The following GRK4 variants were observed in gnomAD, a reference collection of about 807,000 sequenced individuals.
GRK4 encodes G protein-coupled receptor kinase 4, also known as G protein-coupled receptor kinase 2-like.
GRK4 carries 73 observed loss-of-function variants against 77.9 expected under a neutral mutation model. That is an observed-to-expected ratio of 0.94 (90% CI 0.78 to 1.14). The LOEUF is 1.14. GRK4 is among the 50% of genes most tolerant of loss of function. The pLI is 0.00. For synonymous variants in GRK4, 257 were observed against 254.4 expected (o/e 1.01, Z -0.10); for missense variants, 729 against 700.2 (o/e 1.04, Z -0.46).
intron 1 of GRK4, 110 bp downstream of exon 1, chr4:2,964,232 G>A: frequency 1.1e-6 from 1 of 944,366 alleles, no homozygotes; most frequent in Non-Finnish European, 1.6e-6. Context: ...CGATTTCCCT[G>A]GAGAGCCCCG....
chr4:2,992,070 A>C lies in GRK4; in HGVS notation c.262-145A>C, dbSNP rs1374508972. 9.2e-5 allele frequency: 41 copies of C among 443,368 alleles called. 2 individuals carry two copies. Among genetic ancestry groups the C allele is most frequent in the Admixed American group, 1.0e-4 (3 of 28,916 alleles). The allele number at this position is 443,368 out of a possible 1,614,324, so 27.5% of individuals were successfully genotyped here. ...TTTTTTTTTTTTTTTAAGAGATGGG[A>C]TCTCGCTATGTTGCTCAGGCTGGCC... is the stretch of plus-strand genomic sequence containing the variant. On this transcript the variant is annotated intron_variant, in intron 3 of 15. Coordinates refer to ENST00000398052, the MANE Select transcript of GRK4 (RefSeq NM_182982.3).
intron 7 of GRK4, among the ~76,000 whole-genome samples, 165 bp from the exon 8 acceptor site, chr4:3,013,523 G>A (rs769093165): frequency 1.6e-4 from 25 of 152,142 alleles, no homozygotes; most frequent in Non-Finnish European, 3.1e-4. Context: ...ACTGAGGGAG[G>A]AGCCGACTCA....
In GRK4 at chr4:2,976,660, T is replaced by A. The variant is rs563030169; in HGVS notation, c.53-7853T>A. On this transcript the variant is annotated intron_variant, in intron 1 of 15. Coordinates refer to ENST00000398052, the MANE Select transcript of GRK4 (RefSeq NM_182982.3). ...TTTTTTTTTTTTTTTTTTGGTTTGA[T>A]ACAGAGTTTTGCTCTTGTTGCCCAG... Among the ~76,000 whole-genome samples, 52 of 143,884 alleles carry A rather than the reference T, an allele frequency of 3.6e-4. 1 individual carries two copies. Among genetic ancestry groups the A allele is most frequent in the Non-Finnish European group, 4.6e-5 (3 of 65,926 alleles). 94.4% of individuals were successfully genotyped at this position (143,884 alleles called of 152,430 possible). A position where few individuals can be genotyped will look rare whatever the true frequency, so the allele number is the denominator to read the frequency against.
intron 15 of GRK4, 92 bp from the exon 16 acceptor site, chr4:3,040,480 C>T (rs1050864542): frequency 3.2e-5 from 29 of 904,638 alleles, no homozygotes; most frequent in Non-Finnish European, 4.6e-5. Context: ...AAAGCACCCC[C>T]CACCCAAAAG....
At chr4:2,978,957 C>T (rs907143028) in intron 1 of GRK4, among the ~76,000 whole-genome samples, 7 of 152,018 alleles carry the variant, frequency 4.6e-5, no homozygotes, top group Non-Finnish European at 1.0e-4. Context: ...AGGCTGGGCA[C>T]GGTGACTCAC....
chr4:2,989,097 A>G (rs2960307), intron 3 of GRK4, among the ~76,000 whole-genome samples: 55,082 of 151,722 alleles, frequency 0.36, 10,456 homozygotes, highest in African/African-American at 0.44. Context: ...CAGGGGAATC[A>G]CTTGAACCAG....
intron 2 of GRK4, chr4:2,986,758 C>T (rs1018399705): frequency 4.0e-5 from 11 of 275,070 alleles, no homozygotes; most frequent in South Asian, 2.8e-4. Flanking sequence ...GTAGGAAGGA[C>T]ACATTTATTC....
Position 3,035,373 on chromosome 4 carries a change from C to G in GRK4, c.1270-13C>G. 6.2e-7 allele frequency: 1 copy of G among 1,613,756 alleles called. No individual in the cohort carries two copies. Among genetic ancestry groups the G allele is most frequent in the Non-Finnish European group, 8.5e-7 (1 of 1,179,838 alleles). On this transcript the variant is annotated splice_polypyrimidine_tract_variant and intron_variant, in intron 12 of 15. Coordinates refer to ENST00000398052, the MANE Select transcript of GRK4 (RefSeq NM_182982.3). ...CCAGAGGCTCAAGTGGGTTGCATTT[C>G]TGCCTCTTGCAGTTACTCACCAAGA...
chr4:2,964,821 A>T (rs1445688346), intron 1 of GRK4, among the ~76,000 whole-genome samples: 1 of 152,212 alleles, frequency 6.6e-6, no homozygotes, highest in Non-Finnish European at 1.5e-5. Flanking sequence ...AGAAAAGAAG[A>T]ACAAGTTTTC....
intron 1 of GRK4, among the ~76,000 whole-genome samples, chr4:2,968,794 C>A (rs773346833): frequency 2.0e-4 from 30 of 152,182 alleles, no homozygotes; most frequent in Non-Finnish European, 3.4e-4. Context: ...CAGGGGGCTG[C>A]TGATTGATAA....
At chr4:3,026,383 A>G (rs529533483) in intron 10 of GRK4, among the ~76,000 whole-genome samples, 1 of 148,996 alleles carries the variant, frequency 6.7e-6, no homozygotes, top group African/African-American at 2.6e-5. Flanking sequence ...AAATAAGACA[A>G]TGATACGAAA....
intron 13 of GRK4, 22 bp downstream of exon 13, chr4:3,035,545 G>A (rs1311868169): frequency 6.2e-7 from 1 of 1,604,312 alleles, no homozygotes; most frequent in Non-Finnish European, 8.5e-7. Flanking sequence ...GCCAGGACGA[G>A]CAGGGCCCTA....
At chr4:3,035,184 G>T (rs1291677026) in intron 12 of GRK4, among the ~76,000 whole-genome samples, 1 of 151,976 alleles carries the variant, frequency 6.6e-6, no homozygotes, top group Non-Finnish European at 1.5e-5. Flanking sequence ...GGCTGAGCTT[G>T]CAGTGAGCCG....
At chr4:3,012,953 C>G (rs1189404679) in intron 7 of GRK4, among the ~76,000 whole-genome samples, 1 of 151,840 alleles carries the variant, frequency 6.6e-6, no homozygotes, top group East Asian at 2.0e-4. Flanking sequence ...ACCAGCCTGG[C>G]CAAAATGGTG....
At chr4:3,024,720 CG>C in intron 10 of GRK4, among the ~76,000 whole-genome samples, 1 of 148,988 alleles carries the variant, frequency 6.7e-6, no homozygotes, top group South Asian at 2.1e-4. Context: ...ATTAGCCGGG[CG>C]TGGCAGTGCA....
Position 2,963,974 on chromosome 4 carries a change from C to G in GRK4, c.-97C>G. On this transcript the variant is annotated 5_prime_UTR_variant, in exon 1 of 16. Coordinates refer to ENST00000398052, the MANE Select transcript of GRK4 (RefSeq NM_182982.3). ...CGGAGCTCGAGGAGAGGGTGGTGCC[C>G]GGCGAGCTATGCACGGGGGCGGCGG... is the stretch of plus-strand genomic sequence containing the variant. 1.8e-6 allele frequency: 2 copies of G among 1,117,428 alleles called. No homozygotes were observed. Among genetic ancestry groups the G allele is most frequent in the Non-Finnish European group, 2.7e-6 (2 of 752,976 alleles). 69.2% of individuals were successfully genotyped at this position (1,117,428 alleles called of 1,614,324 possible).
rs13305980 is a variant in GRK4 at position 3,007,491 on chromosome 4, C to T, written c.444-245C>T. On this transcript the variant is annotated intron_variant, in intron 5 of 15. Transcript: ENST00000398052. ...CTGCTTGATAACAGAACAGCTGACA[C>T]CCTCACTCCCAAGAAGGGAATGCAT... Among the ~76,000 whole-genome samples the T allele has an allele frequency of 2.6e-4, 40 of 152,296 alleles. 1 individual carries two copies. The East Asian group carries it at 7.7e-3, about 29-fold the overall frequency.
At position 2,999,509 on chromosome 4, in the gene GRK4, G is replaced by A. The variant is rs926185351; in HGVS notation, c.340-4722G>A. On this transcript the variant is annotated intron_variant, in intron 4 of 15. Coordinates refer to ENST00000398052, the MANE Select transcript of GRK4 (RefSeq NM_182982.3). ...CAATTAATTGCCTTATCACAAGGAT[G>A]CCAAGACAATTCAACTGGGAGAAAG... 8.5e-5 allele frequency among the ~76,000 whole-genome samples: 13 copies of A among 152,334 alleles called. No homozygotes were observed. In the South Asian group the frequency reaches 1.2e-3, roughly 15 times the overall value.
Position 2,988,776 on chromosome 4 carries a change from C to T in GRK4, c.198C>T (p.Leu66=). Residue 66 remains leucine (L), a synonymous_variant, in exon 3 of 16, where the codon CTC becomes CTT. Transcript: ENST00000398052. ...LCDKQPIGRR[L]FRQFCDTKPT... ...ACAAGCAACCGATAGGAAGACGTCT[C>T]TTCAGGCAGTTCTGTGATACCAAAC... The T allele has an allele frequency of 6.2e-7, 1 of 1,613,450 alleles. No individual in the cohort carries two copies. The highest frequency in any genetic ancestry group is 8.5e-7 in the Non-Finnish European group (1 of 1,179,476).
Sources: allele counts gnomAD v4.1 joint callset (sites outside exome capture counted in the v4.1 genomes callset), GRCh38; gene constraint gnomAD v4.1.1; transcripts MANE v1.5; gene names NCBI Gene and HGNC (gene_info 2026-07-23, HGNC 2026-07-21).